Variants in NBPF10 observed in about 807,000 individuals in gnomAD.
The protein encoded by NBPF10 is NBPF family member NBPF10.
A neutral mutation model predicts 77.9 loss-of-function variants in NBPF10; 63 were observed. That is an observed-to-expected ratio of 0.81 (90% CI 0.66 to 1.00). NBPF10 has a LOEUF of 1.00. Ranked by LOEUF, NBPF10 falls within the 50% of genes least tolerant of loss-of-function variation. The probability of loss-of-function intolerance (pLI) is 0.00; values close to 1 mark genes in which losing one functional copy is unlikely to be tolerated. For synonymous variants in NBPF10, 146 were observed against 264.5 expected (o/e 0.55, Z 4.35); for missense variants, 522 against 679.8 (o/e 0.77, Z 2.58).
At chr1:146,067,672 T>TA (rs1427760007) in intron 88 of NBPF10, among the ~76,000 whole-genome samples, 1 of 149,226 alleles carries the variant, frequency 6.7e-6, no homozygotes, top group East Asian at 2.0e-4. Flanking sequence ...CTCCAGACAC[T>TA]GAAATTAGAG....
exon 14 of NBPF10, chr1:146,126,293 T>G (rs1410177651): frequency 6.2e-7 from 1 of 1,601,536 alleles, no homozygotes; most frequent in Admixed American, 1.7e-5. Flanking sequence ...AAGGCACTTC[T>G]GTAGGGCTGG....
At chr1:146,144,309 T>C (rs12076238) in intron 1 of NBPF10, among the ~76,000 whole-genome samples, 3 of 28,238 alleles carry the variant, frequency 1.1e-4, no homozygotes, top group East Asian at 1.3e-3. Flanking sequence ...CTTAAAAACA[T>C]GATTGAGCCC....
chr1:146,067,482 T>C (rs1156554335), intron 88 of NBPF10, among the ~76,000 whole-genome samples, 194 bp from the exon 89 acceptor site: 1 of 141,200 alleles, frequency 7.1e-6, no homozygotes, highest in Non-Finnish European at 1.5e-5. Context: ...AAACTGTGGG[T>C]AAAATGTCCC....
In NBPF10 at chr1:146,073,046, G is replaced by T. The variant is rs1183676144; in HGVS notation, c.10131-145C>A. The stretch of plus-strand genomic sequence containing the variant: ...TGAGGTAATGAATTATTGCCTTTAT[G>T]TTGGGATAGACCAGGGCCAGGTAGA... On this transcript the variant is annotated intron_variant, in intron 81 of 89. Coordinates refer to ENST00000583866, the Ensembl canonical transcript of NBPF10. 56 of 253,742 alleles carry T rather than the reference G, an allele frequency of 2.2e-4. 17 individuals are homozygous for T. The highest frequency in any genetic ancestry group is 1.6e-3 in the South Asian group (55 of 35,096). 15.7% of individuals were successfully genotyped at this position (253,742 alleles called of 1,614,324 possible).
chr1:146,126,293 T>C (rs1410177651), exon 14 of NBPF10: 12 of 1,601,420 alleles, frequency 7.5e-6, no homozygotes, highest in African/African-American at 2.7e-5. Context: ...AAGGCACTTC[T>C]GTAGGGCTGG....
intron 83 of NBPF10, among the ~76,000 whole-genome samples, chr1:146,071,525 A>C (rs587775696): frequency 6.0e-5 from 1 of 16,656 alleles, no homozygotes; most frequent in Non-Finnish European, 1.1e-4. Context: ...AGACACACAC[A>C]CACACACACA....
At chr1:146,115,149 T>C (rs1553787340) in intron 28 of NBPF10, 81 bp downstream of exon 28, 1 of 79,060 alleles carries the variant, frequency 1.3e-5, no homozygotes, top group Non-Finnish European at 2.5e-5. Flanking sequence ...CTCGGGTCAG[T>C]AAGGGGCACT....
chr1:146,066,952 TGA>T (rs1365718474), intron 89 of NBPF10, among the ~76,000 whole-genome samples: 3 of 145,148 alleles, frequency 2.1e-5, no homozygotes, highest in African/African-American at 7.4e-5. Context: ...GCAGTGGCCA[TGA>T]GAGTACAGCT....
At chr1:146,067,254 C>T (rs782809160) in exon 89 of NBPF10, 2 of 575,790 alleles carry the variant, frequency 3.5e-6, no homozygotes, top group East Asian at 3.1e-5. Flanking sequence ...ATCTTCTTCC[C>T]CTTCTTTTTT....
chr1:146,126,338 T>C lies in NBPF10; in HGVS notation c.1924A>G (p.Thr642Ala), dbSNP rs781819096. 6.9e-6 allele frequency: 9 copies of C among 1,306,982 alleles called. No homozygotes were observed. The South Asian group carries it at 8.3e-5, about 12-fold the overall frequency. The allele number at this position is 1,306,982 out of a possible 1,614,324, so 81.0% of individuals were successfully genotyped here. Residue 642 changes from threonine (T) to alanine (A), a missense_variant, in exon 14 of 90, where the codon ACT becomes GCT. Thr to Ala is a moderately conservative substitution (Grantham distance 58, BLOSUM62 0). Transcript: ENST00000583866. Reference sequence around the variant, plus strand: ...GTCAGTTCAAGACAACCTGAAGGAGTTGAATAACATCTATCCTGTGAGTCC... The same window carrying C: ...GTCAGTTCAAGACAACCTGAAGGAGCTGAATAACATCTATCCTGTGAGTCC...
intron 11 of NBPF10, among the ~76,000 whole-genome samples, chr1:146,129,084 C>CT (rs1553791497): frequency 6.7e-6 from 1 of 150,124 alleles, no homozygotes; most frequent in Admixed American, 6.6e-5. Context: ...GACATCCCTT[C>CT]TCCTCCAAAG....
In NBPF10 at chr1:146,126,423, A is replaced by G. The variant is rs1219831721; in HGVS notation, c.1854-15T>C. 1.0e-5 allele frequency: 11 copies of G among 1,088,646 alleles called. No individual in the cohort carries two copies. The highest frequency in any genetic ancestry group is 1.3e-5 in the Non-Finnish European group (9 of 708,332). 67.4% of individuals were successfully genotyped at this position (1,088,646 alleles called of 1,614,324 possible). A position where few individuals can be genotyped will look rare whatever the true frequency, so the allele number is the denominator to read the frequency against. On this transcript the variant is annotated splice_polypyrimidine_tract_variant and intron_variant, in intron 13 of 89. Coordinates refer to ENST00000583866, the Ensembl canonical transcript of NBPF10. Reference sequence around the variant, plus strand: ...CCCTGCTGAGCGTGGAAAAGTAGGAAAAAGTAAAGAATAAGCCAGGGGGAA... The same window carrying G: ...CCCTGCTGAGCGTGGAAAAGTAGGAGAAAGTAAAGAATAAGCCAGGGGGAA...
chr1:146,066,881 A>T (rs1553777704), intron 89 of NBPF10, among the ~76,000 whole-genome samples: 1 of 149,936 alleles, frequency 6.7e-6, no homozygotes, highest in South Asian at 2.1e-4. Context: ...ACACACAGCA[A>T]ACAGTGATCA....
intron 88 of NBPF10, among the ~76,000 whole-genome samples, chr1:146,067,712 C>CA (rs1655294370): frequency 2.7e-5 from 4 of 149,926 alleles, no homozygotes; most frequent in Admixed American, 6.7e-5. Flanking sequence ...ACCCTTGAGT[C>CA]AAAATCACAG....
chr1:146,126,608 CA>C (rs1658710522), intron 13 of NBPF10, among the ~76,000 whole-genome samples, 200 bp from the exon 14 acceptor site: 3 of 136,662 alleles, frequency 2.2e-5, no homozygotes, highest in Non-Finnish European at 3.3e-5. Context: ...CACACACACA[CA>C]CACACACACA....
At chr1:146,126,712 C>T (rs1212140239) in intron 13 of NBPF10, among the ~76,000 whole-genome samples, 1 of 146,516 alleles carries the variant, frequency 6.8e-6, no homozygotes, top group Non-Finnish European at 1.5e-5. Context: ...GCTCTCAGGA[C>T]ACACAGTGAA....
At chr1:146,069,650 T>C (rs587638297) in exon 86 of NBPF10, 13 of 1,517,596 alleles carry the variant, frequency 8.6e-6, no homozygotes, top group East Asian at 2.3e-5. Context: ...AGGAGTTGAA[T>C]AACATCTATC....
At chr1:146,143,717 TCTG>T (rs1660528293) in intron 1 of NBPF10, among the ~76,000 whole-genome samples, 2 of 135,118 alleles carry the variant, frequency 1.5e-5, no homozygotes, top group Admixed American at 7.8e-5. Flanking sequence ...CAAGGTACTC[TCTG>T]CTTTTTATTT....
intron 14 of NBPF10, 64 bp downstream of exon 14, chr1:146,126,172 T>C (rs1179487929): frequency 2.2e-6 from 2 of 907,488 alleles, no homozygotes; most frequent in Non-Finnish European, 3.7e-6. Context: ...CCACTTGCAG[T>C]AGGAATATGA....
Sources: allele counts gnomAD v4.1 joint callset (sites outside exome capture counted in the v4.1 genomes callset), GRCh38; gene constraint gnomAD v4.1.1; transcripts MANE v1.5; gene names NCBI Gene and HGNC (gene_info 2026-07-23, HGNC 2026-07-21).